ADH1A: variants seen among roughly 807,000 people sequenced by gnomAD.
ADH1A encodes alcohol dehydrogenase 1A (class I), alpha polypeptide.
ADH1A carries 29 observed loss-of-function variants against 35.2 expected under a neutral mutation model. That is an observed-to-expected ratio of 0.82 (90% CI 0.61 to 1.12). The LOEUF is 1.12. Among genes scored for constraint, ADH1A ranks in the 50% most tolerant of loss-of-function variants. ADH1A has a pLI of 0.00. For synonymous variants in ADH1A, 147 were observed against 164.8 expected (o/e 0.89, Z 0.83); for missense variants, 469 against 464.7 (o/e 1.01, Z -0.09).
Position 99,290,940 on chromosome 4 carries a change from A to G in ADH1A, c.-26T>C, listed in dbSNP as rs1460405521. The G allele has an allele frequency of 1.2e-6, 2 of 1,613,806 alleles. No homozygotes were observed. The highest frequency in any genetic ancestry group is 1.7e-5 in the Admixed American group (1 of 60,024). Reference sequence around the variant, plus strand: ...GTTGATTCTGTCTTCTCTGCAGACCAGGAGACTGGTGAGTCCTTGTGGATT... The same window carrying G: ...GTTGATTCTGTCTTCTCTGCAGACCGGGAGACTGGTGAGTCCTTGTGGATT... On this transcript the variant is annotated 5_prime_UTR_variant, in exon 1 of 9. Coordinates refer to ENST00000209668, the MANE Select transcript of ADH1A (RefSeq NM_000667.4).
chr4:99,286,870 C>G lies in ADH1A; in HGVS notation c.239G>C (p.Gly80Ala), dbSNP rs1367493274. The change falls in exon 3 of 9, where the codon GGG (glycine) becomes GCG (alanine). Residue 80 changes from glycine (G) to alanine (A), a missense_variant. Transcript: ENST00000209668. ...TGTACCTGGTTTGACTGTAGTCACC[C>G]CTTCTCCAACACTCTCCACGATGCC... is the stretch of plus-strand genomic sequence containing the variant. ...AAGIVESVGE[G>A]VTTVKPGDKV... is the part of the protein sequence containing the mutation. 1.9e-6 allele frequency: 3 copies of G among 1,613,966 alleles called. No homozygotes were observed. In the African/African-American group the frequency reaches 4.0e-5, roughly 22 times the overall value.
intron 1 of ADH1A, among the ~76,000 whole-genome samples, chr4:99,288,079 T>C (rs867487439): frequency 2.6e-5 from 4 of 152,222 alleles, no homozygotes; most frequent in African/African-American, 9.7e-5. Context: ...ATACACTGTT[T>C]TCTTTCTCAA....
chr4:99,288,985 C>T lies in ADH1A; in HGVS notation c.19-1320G>A, dbSNP rs1733225923. Among the ~76,000 whole-genome samples, 3 of 152,176 alleles carry T rather than the reference C, an allele frequency of 2.0e-5. No individual in the cohort carries two copies. In the South Asian group the frequency reaches 6.2e-4, roughly 32 times the overall value. On this transcript the variant is annotated intron_variant, in intron 1 of 8. Transcript: ENST00000209668. ...CACCTCCCCTTTCAACCTTCCCCCT[C>T]GAGTTCCCAAAGTTCATGATATCAT...
chr4:99,287,176 T>C, intron 2 of ADH1A, 188 bp from the exon 3 acceptor site: 1 of 668,530 alleles, frequency 1.5e-6, no homozygotes, highest in Non-Finnish European at 2.4e-6. Context: ...CTACCTTCCA[T>C]TCTTGAAGTA....
intron 6 of ADH1A, among the ~76,000 whole-genome samples, chr4:99,280,578 A>G (rs1294051760): frequency 6.6e-6 from 1 of 152,252 alleles, no homozygotes; most frequent in Non-Finnish European, 1.5e-5. Context: ...AGTTCCTTAT[A>G]TAAGCATACA....
chr4:99,290,895 A>T lies in ADH1A; in HGVS notation c.18+2T>A. On this transcript the variant is annotated splice_donor_variant, in intron 1 of 8. Transcript: ENST00000209668. LOFTEE classifies it high-confidence loss of function. ...TCCAACAGTAATATATTTTTTGCTT[A>T]CTTTTCCTGCTGTGCTCATGTTGAT... is the stretch of plus-strand genomic sequence containing the variant. The T allele has an allele frequency of 6.2e-7, 1 of 1,613,754 alleles. No individual in the cohort carries two copies. The highest frequency in any genetic ancestry group is 8.5e-7 in the Non-Finnish European group (1 of 1,179,710).
At position 99,290,944 on chromosome 4, in the gene ADH1A, G is replaced by A; in HGVS notation, c.-30C>T. 3 of 1,613,322 alleles carry A rather than the reference G, an allele frequency of 1.9e-6. No individual in the cohort carries two copies. Among genetic ancestry groups the A allele is most frequent in the Non-Finnish European group, 2.5e-6 (3 of 1,179,322 alleles). On this transcript the variant is annotated 5_prime_UTR_variant, in exon 1 of 9. Coordinates refer to ENST00000209668, the MANE Select transcript of ADH1A (RefSeq NM_000667.4). Reference sequence around the variant, plus strand: ...ATTCTGTCTTCTCTGCAGACCAGGAGACTGGTGAGTCCTTGTGGATTTCTT... The same window carrying A: ...ATTCTGTCTTCTCTGCAGACCAGGAAACTGGTGAGTCCTTGTGGATTTCTT...
intron 2 of ADH1A, 22 bp from the exon 3 acceptor site, chr4:99,287,010 T>C: frequency 6.3e-7 from 1 of 1,598,148 alleles, no homozygotes; most frequent in Non-Finnish European, 8.5e-7. Context: ...AGAGAAGATG[T>C]TTATAAAAGA....
In ADH1A at chr4:99,280,138, A is replaced by G. The variant is rs28364331; in HGVS notation, c.964+6T>C. ...GAGAATTTGGCTCTGAAGCCTAACT[A>G]CATACCACCAAGAATAGCTCCCTTC... is the stretch of plus-strand genomic sequence containing the variant. On this transcript the variant is annotated splice_donor_region_variant and intron_variant, in intron 7 of 8. Transcript: ENST00000209668. 0.014 allele frequency: 22,379 copies of G among 1,613,876 alleles called. 202 individuals carry two copies. The highest frequency in any genetic ancestry group is 0.018 in the Non-Finnish European group (20,686 of 1,179,774).
chr4:99,284,782 G>T lies in ADH1A; in HGVS notation c.281C>A (p.Ala94Asp). ...TCTGCATTTTCCACACTGAGGAATA[G>T]CGAGTGGGATGACTTTATCACCTGG... is the stretch of plus-strand genomic sequence containing the variant. ...VKPGDKVIPL[A>D]IPQCGKCRIC... Residue 94 changes from alanine (A) to aspartate (D), a missense_variant, in exon 4 of 9, where the codon GCT becomes GAT. Ala to Asp is a moderately radical substitution (Grantham distance 126, BLOSUM62 -2). Coordinates refer to ENST00000209668, the MANE Select transcript of ADH1A (RefSeq NM_000667.4). 1.9e-6 allele frequency: 3 copies of T among 1,614,164 alleles called. No homozygotes were observed. Among genetic ancestry groups the T allele is most frequent in the Non-Finnish European group, 2.5e-6 (3 of 1,180,000 alleles).
At position 99,280,239 on chromosome 4, in the gene ADH1A, C is replaced by G; in HGVS notation, c.869G>C (p.Ser290Thr). ...LLCCHEACGT[S>T]VIVGVPPDSQ... The stretch of plus-strand genomic sequence containing the variant: ...ATCAGGAGGTACCCCTACGATGACA[C>G]TTGTGCCACATGCCTCATGACAACA... Residue 290 changes from serine to threonine, a missense_variant, in exon 7 of 9, where the codon AGT becomes ACT. Physicochemically the swap from Ser to Thr is moderately conservative, Grantham distance 58 (BLOSUM62 1). Coordinates refer to ENST00000209668, the MANE Select transcript of ADH1A (RefSeq NM_000667.4). 1 of 1,613,836 alleles carries G rather than the reference C, an allele frequency of 6.2e-7. No individual in the cohort carries two copies. Among genetic ancestry groups the G allele is most frequent in the Non-Finnish European group, 8.5e-7 (1 of 1,179,862 alleles).
intron 6 of ADH1A, among the ~76,000 whole-genome samples, chr4:99,281,593 G>A (rs1032997517): frequency 1.3e-5 from 2 of 152,144 alleles, no homozygotes; most frequent in African/African-American, 4.8e-5. Context: ...GTGACAGAGT[G>A]AGACCCTGTC....
intron 6 of ADH1A, chr4:99,281,828 T>C (rs1326546182): frequency 5.4e-6 from 1 of 184,532 alleles, no homozygotes; most frequent in East Asian, 1.5e-4. Context: ...TGATAAAATA[T>C]AGTAATGCAT....
chr4:99,288,359 A>T (rs200635824), intron 1 of ADH1A, among the ~76,000 whole-genome samples: 7 of 122,778 alleles, frequency 5.7e-5, no homozygotes, highest in Admixed American at 8.1e-5. Flanking sequence ...GTGTGTGTGT[A>T]TGTGTGTGTG....
chr4:99,279,464 T>G lies in ADH1A; in HGVS notation c.1065A>C (p.Lys355Asn). 1 of 1,608,570 alleles carries G rather than the reference T, an allele frequency of 6.2e-7. No individual in the cohort carries two copies. Among genetic ancestry groups the G allele is most frequent in the Non-Finnish European group, 8.5e-7 (1 of 1,178,498 alleles). The change falls in exon 8 of 9, where the codon AAA (lysine) becomes AAC (asparagine). Residue 355 changes from lysine to asparagine, a missense_variant. Physicochemically the swap from Lys to Asn is moderately conservative, Grantham distance 94. Coordinates refer to ENST00000209668, the MANE Select transcript of ADH1A (RefSeq NM_000667.4). ...ALITHVLPFEKINEGFDLLHS... is the reference protein window; with the variant it reads ...ALITHVLPFENINEGFDLLHS... ...GAAGCAGGTCAAATCCTTCATTTATTTTTTCAAAAGGTAAAACATGGGTTA... is the reference window on the plus strand; with the variant it reads ...GAAGCAGGTCAAATCCTTCATTTATGTTTTCAAAAGGTAAAACATGGGTTA...
intron 8 of ADH1A, among the ~76,000 whole-genome samples, chr4:99,277,859 A>G (rs1049615618): frequency 1.3e-5 from 2 of 152,146 alleles, no homozygotes; most frequent in Admixed American, 1.3e-4. Context: ...GCTGAAACAC[A>G]TATGTGTGTT....
chr4:99,284,862 A>C (rs1023847890), intron 3 of ADH1A, 59 bp from the exon 4 acceptor site: 2 of 1,430,880 alleles, frequency 1.4e-6, no homozygotes, highest in Admixed American at 1.8e-5. Context: ...ATAGAGCAAA[A>C]ACATAAAGCT....
At chr4:99,286,104 G>C (rs1369823532) in intron 3 of ADH1A, among the ~76,000 whole-genome samples, 1 of 149,028 alleles carries the variant, frequency 6.7e-6, no homozygotes, top group Non-Finnish European at 1.5e-5. Flanking sequence ...TATTCCACAA[G>C]ACCAAGAAAA....
intron 8 of ADH1A, among the ~76,000 whole-genome samples, chr4:99,278,715 G>C (rs1732925959): frequency 6.6e-6 from 1 of 152,106 alleles, no homozygotes; most frequent in Admixed American, 6.6e-5. Context: ...AGATATAACT[G>C]CCTGTTTCCA....
Sources: gnomAD v4.1 joint callset for allele counts (sites outside exome capture counted in the v4.1 genomes callset) on GRCh38, gnomAD v4.1.1 for gene constraint, MANE v1.5 for transcripts, NCBI Gene and HGNC (gene_info 2026-07-23, HGNC 2026-07-21) for gene names.